The following SAMD3 variants were observed in gnomAD, a reference collection of about 807,000 sequenced individuals.
SAMD3 encodes the protein sterile alpha motif domain-containing protein 3.
In SAMD3, 63 loss-of-function variants were observed where a neutral mutation model predicts 58.5. The ratio of observed to expected loss-of-function variants is 1.08; its 90% CI spans 0.88 to 1.33. The LOEUF (loss-of-function observed/expected upper bound fraction) is 1.33, where lower values mean the gene tolerates loss of function less well. Among genes scored for constraint, SAMD3 ranks in the 40% most tolerant of loss-of-function variants. The probability of loss-of-function intolerance (pLI) is 0.00; values close to 1 mark genes in which losing one functional copy is unlikely to be tolerated. For missense variants in SAMD3, 604 were observed against 608.4 expected (o/e 0.99, Z 0.08); for synonymous variants, 220 against 210.3 (o/e 1.05, Z -0.40).
intron 2 of SAMD3, among the ~76,000 whole-genome samples, chr6:130,236,562 T>G (rs1562473585): frequency 6.6e-6 from 1 of 152,108 alleles, no homozygotes; most frequent in South Asian, 2.1e-4. Context: ...TTTTGTGTTT[T>G]TAGTAGAGAT....
At chr6:130,365,468 G>T (rs1411801796), upstream of SAMD3, 1 of 985,296 alleles carries the variant, frequency 1.0e-6, no homozygotes, top group Non-Finnish European at 1.2e-6. Flanking sequence ...CGCGCAGCCC[G>T]CCAGGGGGAC....
intron 7 of SAMD3, among the ~76,000 whole-genome samples, chr6:130,178,179 TTAGTCAGGCTGGACTCAAACTCCCAAC>T (rs1309333264): frequency 6.6e-6 from 1 of 152,134 alleles, no homozygotes; most frequent in African/African-American, 2.4e-5. Context: ...TTTCTCCATG[TTAGTCAGGCTGGACTCAAACTCCCAAC>T]CTCAGGTAAT....
At chr6:130,337,207 T>C (rs1307802901) in intron 1 of SAMD3, among the ~76,000 whole-genome samples, 1 of 152,102 alleles carries the variant, frequency 6.6e-6, no homozygotes, top group African/African-American at 2.4e-5. Context: ...GCTGTTCTTG[T>C]GATAGTGAGT....
At chr6:130,208,041 T>C (rs767714149) in intron 5 of SAMD3, among the ~76,000 whole-genome samples, 15 of 152,178 alleles carry the variant, frequency 9.9e-5, no homozygotes, top group Non-Finnish European at 1.8e-4. Context: ...GCAACAACAG[T>C]CCACTTGGAA....
intron 2 of SAMD3, among the ~76,000 whole-genome samples, chr6:130,308,375 A>ATTCTATTCTATTCTATTCTATTCT (rs1562512876): frequency 8.3e-4 from 102 of 122,252 alleles, no homozygotes; most frequent in Middle Eastern, 3.9e-3. Flanking sequence ...ATTCTATTCT[A>ATTCTATTCTATTCTATTCTATTCT]TTCTATTCTA....
At chr6:130,154,695 G>GA (rs145408019) in intron 9 of SAMD3, 130 bp downstream of exon 9, 1,350 of 108,596 alleles carry the variant, frequency 0.012, 5 homozygotes, top group Non-Finnish European at 0.013. Context: ...GACTCTGTCT[G>GA]AAAAAAAAAA....
chr6:130,239,913 T>C (rs892273855), intron 2 of SAMD3, among the ~76,000 whole-genome samples: 1 of 152,178 alleles, frequency 6.6e-6, no homozygotes, highest in Non-Finnish European at 1.5e-5. Flanking sequence ...CTATTCTTAA[T>C]AGGAGGGGTG....
At chr6:130,336,392 T>C (rs1019589839) in intron 1 of SAMD3, among the ~76,000 whole-genome samples, 3 of 152,194 alleles carry the variant, frequency 2.0e-5, no homozygotes, top group African/African-American at 7.2e-5. Flanking sequence ...CTTGAAGAGT[T>C]CCAACATAGT....
chr6:130,315,023 C>T (rs569979706), intron 1 of SAMD3, among the ~76,000 whole-genome samples: 1 of 152,298 alleles, frequency 6.6e-6, no homozygotes, highest in African/African-American at 2.4e-5. Context: ...GGACAAACTA[C>T]AAGTTCCCTC....
intron 5 of SAMD3, among the ~76,000 whole-genome samples, chr6:130,207,181 A>C (rs1795162907): frequency 6.6e-6 from 1 of 151,488 alleles, no homozygotes; most frequent in African/African-American, 2.4e-5. Context: ...AAGAAAAAAA[A>C]GAAAAAGAAA....
chr6:130,278,122 A>G (rs1774848920), intron 2 of SAMD3, among the ~76,000 whole-genome samples: 1 of 152,192 alleles, frequency 6.6e-6, no homozygotes, highest in South Asian at 2.1e-4. Context: ...CAGACCCTGC[A>G]CTTTATGGAT....
intron 2 of SAMD3, among the ~76,000 whole-genome samples, chr6:130,229,603 G>A (rs17058546): frequency 0.14 from 21,562 of 152,076 alleles, 1,746 homozygotes; most frequent in East Asian, 0.36. Flanking sequence ...AACTGGAGGC[G>A]ACTAAACATG....
chr6:130,221,143 C>T (rs181064617), intron 1 of SAMD3, among the ~76,000 whole-genome samples: 63 of 152,254 alleles, frequency 4.1e-4, no homozygotes, highest in African/African-American at 1.4e-3. Context: ...CATGAGCCAC[C>T]ACGCCCAGCC....
intron 2 of SAMD3, among the ~76,000 whole-genome samples, chr6:130,260,800 C>T (rs1448946971): frequency 6.6e-6 from 1 of 152,192 alleles, no homozygotes; most frequent in Non-Finnish European, 1.5e-5. Context: ...TGTGTGGCAG[C>T]CCCCTGTGGA....
chr6:130,170,222 G>A (rs963443050), intron 8 of SAMD3, among the ~76,000 whole-genome samples: 1 of 152,090 alleles, frequency 6.6e-6, no homozygotes, highest in Non-Finnish European at 1.5e-5. Flanking sequence ...AACAGGCCCT[G>A]GTGTGTGATG....
chr6:130,148,552 T>C (rs1788849924), intron 9 of SAMD3, among the ~76,000 whole-genome samples: 1 of 152,142 alleles, frequency 6.6e-6, no homozygotes, highest in African/African-American at 2.4e-5. Flanking sequence ...GAACCCTAAT[T>C]CCTTTTCATG....
chr6:130,205,862 T>C (rs1042892803), intron 5 of SAMD3, among the ~76,000 whole-genome samples: 2 of 152,180 alleles, frequency 1.3e-5, no homozygotes, highest in African/African-American at 2.4e-5. Context: ...TAGAAGGATG[T>C]TGAGCAGAGG....
intron 2 of SAMD3, among the ~76,000 whole-genome samples, chr6:130,279,701 T>C (rs1017591613): frequency 5.9e-5 from 9 of 152,108 alleles, no homozygotes; most frequent in African/African-American, 2.2e-4. Context: ...GCCAGGCTGG[T>C]CTCAAACTCC....
chr6:130,207,055 G>A (rs1163766093), intron 5 of SAMD3, among the ~76,000 whole-genome samples: 3 of 151,094 alleles, frequency 2.0e-5, no homozygotes, highest in East Asian at 1.9e-4. Flanking sequence ...AGGCTAAGGC[G>A]GGAGGATTTC....
Sources: allele counts gnomAD v4.1 joint callset (sites outside exome capture counted in the v4.1 genomes callset), GRCh38; gene constraint gnomAD v4.1.1; transcripts MANE v1.5; gene names NCBI Gene and HGNC (gene_info 2026-07-23, HGNC 2026-07-21).